The following GOLM2 variants were observed in gnomAD, a reference collection of about 807,000 sequenced individuals.
GOLM2 encodes the protein golgi membrane protein 2.
GOLM2 carries 26 observed loss-of-function variants against 55.9 expected under a neutral mutation model. The observed-to-expected ratio is 0.47, with a 90% CI of 0.34 to 0.65. GOLM2 has a LOEUF of 0.65. GOLM2 is among the 30% of genes least tolerant of loss of function. GOLM2 has a pLI of 0.01. For synonymous variants in GOLM2, 165 were observed against 194.6 expected, an observed-to-expected ratio of 0.85 and a Z score of 1.27; for missense variants, 486 against 531.8, an observed-to-expected ratio of 0.91 and a Z score of 0.85.
chr15:44,304,230 C>CTTTTTTTTTTTTTTTTTTTTT (rs895623812), intron 1 of GOLM2, among the ~76,000 whole-genome samples: 1 of 82,874 alleles, frequency 1.2e-5, no homozygotes, highest in East Asian at 4.3e-4. Flanking sequence ...GGCTCCACTT[C>CTTTTTTTTTTTTTTTTTTTTT]TTTTTTTTTT....
intron 6 of GOLM2, among the ~76,000 whole-genome samples, chr15:44,365,481 T>A (rs1407535450): frequency 2.0e-5 from 3 of 152,028 alleles, no homozygotes; most frequent in Non-Finnish European, 4.4e-5. Context: ...GAGCTGTGAC[T>A]GCACTCCAGC....
At chr15:44,343,865 A>T (rs2079105096) in intron 6 of GOLM2, among the ~76,000 whole-genome samples, 1 of 151,844 alleles carries the variant, frequency 6.6e-6, no homozygotes, top group African/African-American at 2.4e-5. Context: ...CTTGTAATTT[A>T]AAAATGGACT....
At chr15:44,311,813 C>T (rs1052770378) in intron 1 of GOLM2, among the ~76,000 whole-genome samples, 9 of 152,000 alleles carry the variant, frequency 5.9e-5, no homozygotes, top group African/African-American at 2.2e-4. Context: ...CCATGCCTGG[C>T]TAATTTTTGT....
At chr15:44,298,193 T>G (rs1426961274) in intron 1 of GOLM2, among the ~76,000 whole-genome samples, 1 of 151,720 alleles carries the variant, frequency 6.6e-6, no homozygotes, top group Non-Finnish European at 1.5e-5. Context: ...TTTATCCAGC[T>G]TCTGATCCAT....
intron 6 of GOLM2, among the ~76,000 whole-genome samples, chr15:44,376,694 C>G (rs2079367072): frequency 6.6e-6 from 1 of 152,098 alleles, no homozygotes; most frequent in South Asian, 2.1e-4. Context: ...AAGGTTAGCA[C>G]TCTTAATTGT....
intron 6 of GOLM2, among the ~76,000 whole-genome samples, chr15:44,345,113 T>C (rs1386317168): frequency 4.6e-5 from 7 of 151,534 alleles, no homozygotes; most frequent in African/African-American, 1.5e-4. Flanking sequence ...GCCTGGCCTA[T>C]TTTTTTATTT....
At chr15:44,404,784 A>T (rs2079587434) in intron 9 of GOLM2, among the ~76,000 whole-genome samples, 1 of 152,062 alleles carries the variant, frequency 6.6e-6, no homozygotes, top group South Asian at 2.1e-4. Context: ...CACCCGCCAC[A>T]GTACTTTGCA....
At chr15:44,322,219 T>C (rs2078955182) in intron 1 of GOLM2, among the ~76,000 whole-genome samples, 1 of 152,094 alleles carries the variant, frequency 6.6e-6, no homozygotes, top group African/African-American at 2.4e-5. Flanking sequence ...AATACAAAGA[T>C]TAGCTGGGTG....
At chr15:44,358,654 A>T (rs566059147) in intron 6 of GOLM2, among the ~76,000 whole-genome samples, 1 of 152,302 alleles carries the variant, frequency 6.6e-6, no homozygotes, top group African/African-American at 2.4e-5. Flanking sequence ...CTAGATTTTT[A>T]AAAAATGAAT....
intron 6 of GOLM2, among the ~76,000 whole-genome samples, chr15:44,342,334 G>A (rs1306044164): frequency 6.6e-6 from 1 of 151,854 alleles, no homozygotes; most frequent in African/African-American, 2.4e-5. Context: ...GCATGATCAT[G>A]GCTCACTGCA....
intron 8 of GOLM2, among the ~76,000 whole-genome samples, chr15:44,384,611 G>A (rs906282962): frequency 2.0e-5 from 3 of 152,204 alleles, no homozygotes; most frequent in African/African-American, 7.2e-5. Context: ...GCCGGGCGTG[G>A]TGGCGGGCGC....
chr15:44,337,212 A>G (rs2079063295), intron 4 of GOLM2, among the ~76,000 whole-genome samples: 1 of 151,812 alleles, frequency 6.6e-6, no homozygotes, highest in African/African-American at 2.4e-5. Flanking sequence ...TTCCAAGAAG[A>G]TGCTAGGTTA....
chr15:44,375,624 T>A (rs1056073376), intron 6 of GOLM2, among the ~76,000 whole-genome samples: 9 of 151,750 alleles, frequency 5.9e-5, no homozygotes, highest in South Asian at 4.2e-4. Flanking sequence ...CAAAAAAAAA[T>A]TTTTTAATTA....
intron 6 of GOLM2, among the ~76,000 whole-genome samples, chr15:44,363,251 C>A (rs1200019019): frequency 6.6e-6 from 1 of 152,090 alleles, no homozygotes; most frequent in Non-Finnish European, 1.5e-5. Context: ...TCAGAGTGAA[C>A]AGGCAACCCA....
intron 6 of GOLM2, among the ~76,000 whole-genome samples, chr15:44,347,131 AAG>A (rs150767007): frequency 0.052 from 7,719 of 148,966 alleles, 314 homozygotes; most frequent in East Asian, 0.2. Context: ...CTAAACAAAA[AAG>A]AGAGAGAGAG....
intron 8 of GOLM2, among the ~76,000 whole-genome samples, chr15:44,386,111 A>C (rs2141198730): frequency 6.6e-6 from 1 of 152,302 alleles, no homozygotes; most frequent in Non-Finnish European, 1.5e-5. Flanking sequence ...CCAGTGCCAA[A>C]ATCATGGTAA....
At chr15:44,326,654 G>GTTT (rs1163555111) in intron 2 of GOLM2, among the ~76,000 whole-genome samples, 1 of 133,508 alleles carries the variant, frequency 7.5e-6, no homozygotes, top group African/African-American at 2.7e-5. Flanking sequence ...TTTATTTATA[G>GTTT]TTTTTTTTTT....
intron 1 of GOLM2, among the ~76,000 whole-genome samples, chr15:44,310,470 G>GTATA (rs369090230): frequency 1.1e-3 from 128 of 121,830 alleles, no homozygotes; most frequent in East Asian, 4.1e-3. Flanking sequence ...ATATATATAT[G>GTATA]TATATATATA....
chr15:44,410,309 C>G (rs1157305931), intron 9 of GOLM2, among the ~76,000 whole-genome samples: 1 of 151,790 alleles, frequency 6.6e-6, no homozygotes, highest in South Asian at 2.1e-4. Flanking sequence ...GGCGTGGTGG[C>G]GGGCGCCTGT....
Sources: allele counts gnomAD v4.1 joint callset (sites outside exome capture counted in the v4.1 genomes callset), GRCh38; gene constraint gnomAD v4.1.1; transcripts MANE v1.5; gene names NCBI Gene and HGNC (gene_info 2026-07-23, HGNC 2026-07-21).